Variants in PPID observed in about 807,000 individuals in gnomAD.
PPID encodes peptidyl-prolyl cis-trans isomerase D.
A neutral mutation model predicts 48.1 loss-of-function variants in PPID; 47 were observed. The ratio of observed to expected loss-of-function variants is 0.98; its 90% CI spans 0.77 to 1.25. The LOEUF is 1.25. Among genes scored for constraint, PPID ranks in the 50% most tolerant of loss-of-function variants. The probability of loss-of-function intolerance (pLI) is 0.00; values close to 1 mark genes in which losing one functional copy is unlikely to be tolerated. For missense variants in PPID, 429 were observed against 443.5 expected, an observed-to-expected ratio of 0.97 and a Z score of 0.29; for synonymous variants, 163 against 148.8, an observed-to-expected ratio of 1.10 and a Z score of -0.69.
chr4:158,709,853 T>C (rs994663661), intron 9 of PPID, 29 bp from the exon 10 acceptor site: 2 of 1,553,216 alleles, frequency 1.3e-6, no homozygotes, highest in South Asian at 1.1e-5. Context: ...ATGTGAGTTA[T>C]TTCTCAAAAT....
At chr4:158,722,807 T>C (rs1026144274) in intron 1 of PPID, among the ~76,000 whole-genome samples, 2 of 152,220 alleles carry the variant, frequency 1.3e-5, no homozygotes, top group Non-Finnish European at 2.9e-5. Flanking sequence ...TATTATCTCA[T>C]GTGGCAAATA....
In PPID at chr4:158,715,656, A is replaced by C; in HGVS notation, c.551T>G (p.Leu184Trp). Residue 184 changes from leucine (L) to tryptophan (W), a missense_variant, in exon 5 of 10, where the codon TTG (leucine) becomes TGG (tryptophan). Coordinates refer to ENST00000307720, the MANE Select transcript of PPID (RefSeq NM_005038.3). ...TATTCCCCCGTCATCTCCTTCCTTC[A>C]ATTCTCCACATTCTGCAATAACGCA... ...KLCVIAECGE[L>W]KEGDDGGIFP... 2 of 1,610,146 alleles carry C rather than the reference A, an allele frequency of 1.2e-6. No homozygotes were observed. The highest frequency in any genetic ancestry group is 1.1e-5 in the South Asian group (1 of 90,998).
chr4:158,709,881 GACTA>G, intron 9 of PPID, 57 bp from the exon 10 acceptor site: 2 of 1,404,816 alleles, frequency 1.4e-6, no homozygotes, highest in Non-Finnish European at 2.0e-6. Context: ...AAATTATGGT[GACTA>G]ACAAACTATT....
chr4:158,720,372 AATT>A (rs1774937383), intron 2 of PPID, among the ~76,000 whole-genome samples: 2 of 152,208 alleles, frequency 1.3e-5, no homozygotes, highest in Non-Finnish European at 2.9e-5. Context: ...TTAAAAAGTT[AATT>A]TTTTCTTAAT....
rs1220921470 is a variant in PPID at position 158,723,371 on chromosome 4, GCCGGAGAC to G, written c.-91_-84del. ...CGCCCAAACTCCAGAGTCCGTCTCC[GCCGGAGAC>G]CGGCAGCGACGCTGACCGGCCACTT... is the stretch of plus-strand genomic sequence containing the variant. On this transcript the variant is annotated 5_prime_UTR_variant, in exon 1 of 10. Coordinates refer to ENST00000307720, the MANE Select transcript of PPID (RefSeq NM_005038.3). 8.0e-6 allele frequency: 11 copies of G among 1,382,898 alleles called. No homozygotes were observed. Among genetic ancestry groups the G allele is most frequent in the Non-Finnish European group, 1.1e-5 (11 of 990,636 alleles). 85.7% of individuals were successfully genotyped at this position (1,382,898 alleles called of 1,614,324 possible). A position where few individuals can be genotyped will look rare whatever the true frequency, so the allele number is the denominator to read the frequency against.
Position 158,723,347 on chromosome 4 carries a change from G to A in PPID, c.-59C>T, listed in dbSNP as rs1240722376. 1.3e-6 allele frequency: 2 copies of A among 1,522,704 alleles called. No homozygotes were observed. Among genetic ancestry groups the A allele is most frequent in the Non-Finnish European group, 1.8e-6 (2 of 1,104,170 alleles). The allele number at this position is 1,522,704 out of a possible 1,614,324, so 94.3% of individuals were successfully genotyped here. The stretch of plus-strand genomic sequence containing the variant: ...AGAGTACCTAGTGGCCGCCCGGGCC[G>A]CCCAAACTCCAGAGTCCGTCTCCGC... On this transcript the variant is annotated 5_prime_UTR_variant, in exon 1 of 10. Transcript: ENST00000307720.
At chr4:158,721,069 G>A (rs1006387558) in intron 2 of PPID, among the ~76,000 whole-genome samples, 2 of 152,106 alleles carry the variant, frequency 1.3e-5, no homozygotes, top group African/African-American at 4.8e-5. Context: ...GGTTGACTAC[G>A]GCCTTCCTTT....
intron 7 of PPID, among the ~76,000 whole-genome samples, chr4:158,712,767 G>A (rs572282217): frequency 1.3e-5 from 2 of 151,670 alleles, no homozygotes; most frequent in East Asian, 3.9e-4. Flanking sequence ...AAAAAAAAAA[G>A]AAGAAGAAAA....
chr4:158,716,627 T>G (rs1774875972), intron 4 of PPID, among the ~76,000 whole-genome samples: 1 of 151,368 alleles, frequency 6.6e-6, no homozygotes, highest in African/African-American at 2.4e-5. Context: ...TTTTTCCAGC[T>G]AATAATCACC....
chr4:158,718,831 G>C (rs988186109), intron 3 of PPID, among the ~76,000 whole-genome samples: 1 of 152,178 alleles, frequency 6.6e-6, no homozygotes, highest in Non-Finnish European at 1.5e-5. Flanking sequence ...ATTAGTGATG[G>C]TTTTGTTGCT....
chr4:158,720,755 C>T (rs1170006650), intron 2 of PPID, among the ~76,000 whole-genome samples: 2 of 152,082 alleles, frequency 1.3e-5, no homozygotes, highest in Non-Finnish European at 2.9e-5. Context: ...CACTCTGTCG[C>T]CCAGGATGGA....
intron 4 of PPID, among the ~76,000 whole-genome samples, chr4:158,715,899 CAGAATA>C (rs1029934513): frequency 1.3e-5 from 2 of 152,124 alleles, no homozygotes; most frequent in African/African-American, 4.8e-5. Context: ...TCAATAAACA[CAGAATA>C]AGTTGGCAAT....
chr4:158,711,955 CA>C (rs925491528), intron 7 of PPID, among the ~76,000 whole-genome samples: 41 of 150,708 alleles, frequency 2.7e-4, no homozygotes, highest in Admixed American at 1.9e-3. Context: ...TGACAGAGAA[CA>C]AAAAAAAACC....
chr4:158,715,567 T>G lies in PPID; in HGVS notation c.640A>C (p.Lys214Gln), dbSNP rs1453631075. The G allele has an allele frequency of 1.2e-6, 2 of 1,613,932 alleles. No homozygotes were observed. The highest frequency in any genetic ancestry group is 1.7e-6 in the Non-Finnish European group (2 of 1,179,818). Residue 214 changes from lysine to glutamine, a missense_variant, in exon 5 of 10, where the codon AAA (lysine) becomes CAA (glutamine). By Grantham distance (53) the Lys-to-Gln change is moderately conservative. Transcript: ENST00000307720. Reference protein sequence around the residue: ...DFPEDADIDLKDVDKILLITE... With the variant: ...DFPEDADIDLQDVDKILLITE... ...ACTAATCTGAAAGTACTCACATCTT[T>G]TAAATCTATATCCGCATCCTCAGGG...
In PPID at chr4:158,709,703, A is replaced by C; in HGVS notation, c.*33T>G. ...TTACATTTTCTTATTGCATTTATAC[A>C]ATCAACACACAATAAGCAAAACTGA... On this transcript the variant is annotated 3_prime_UTR_variant, in exon 10 of 10. Transcript: ENST00000307720. 6.8e-7 allele frequency: 1 copy of C among 1,463,164 alleles called. No homozygotes were observed. The highest frequency in any genetic ancestry group is 9.5e-7 in the Non-Finnish European group (1 of 1,051,580). The allele number at this position is 1,463,164 out of a possible 1,614,324, so 90.6% of individuals were successfully genotyped here.
chr4:158,714,115 A>G (rs756117957), intron 6 of PPID, among the ~76,000 whole-genome samples: 1 of 152,222 alleles, frequency 6.6e-6, no homozygotes, highest in Non-Finnish European at 1.5e-5. Flanking sequence ...ATGCTAGTTA[A>G]TAACTGTACG....
At chr4:158,720,904 CG>C (rs1186904158) in intron 2 of PPID, among the ~76,000 whole-genome samples, 1 of 151,924 alleles carries the variant, frequency 6.6e-6, no homozygotes, top group Non-Finnish European at 1.5e-5. Flanking sequence ...TTAGTAGAGA[CG>C]GGGTTTCACC....
In PPID at chr4:158,709,691, T is replaced by C. The variant is rs778806592; in HGVS notation, c.*45A>G. Reference sequence around the variant, plus strand: ...AGACAAAAACCTTTACATTTTCTTATTGCATTTATACAATCAACACACAAT... The same window carrying C: ...AGACAAAAACCTTTACATTTTCTTACTGCATTTATACAATCAACACACAAT... On this transcript the variant is annotated 3_prime_UTR_variant, in exon 10 of 10. Coordinates refer to ENST00000307720, the MANE Select transcript of PPID (RefSeq NM_005038.3). The C allele has an allele frequency of 2.2e-5, 30 of 1,388,100 alleles. No individual in the cohort carries two copies. The highest frequency in any genetic ancestry group is 4.3e-5 in the African/African-American group (3 of 69,784). The allele number at this position is 1,388,100 out of a possible 1,614,324, so 86.0% of individuals were successfully genotyped here. A position where few individuals can be genotyped will look rare whatever the true frequency, so the allele number is the denominator to read the frequency against.
At chr4:158,711,965 C>A (rs966359362) in intron 7 of PPID, among the ~76,000 whole-genome samples, 9 of 151,932 alleles carry the variant, frequency 5.9e-5, no homozygotes, top group Non-Finnish European at 1.2e-4. Flanking sequence ...CAAAAAAAAA[C>A]CCAGAGTGAA....
Sources: allele counts gnomAD v4.1 joint callset (sites outside exome capture counted in the v4.1 genomes callset), GRCh38; gene constraint gnomAD v4.1.1; transcripts MANE v1.5; gene names NCBI Gene and HGNC (gene_info 2026-07-23, HGNC 2026-07-21).